The following ATF2 variants were observed in gnomAD, a reference collection of about 807,000 sequenced individuals.
ATF2 encodes the protein activating transcription factor 2.
A neutral mutation model predicts 60.6 loss-of-function variants in ATF2; 24 were observed. That is an observed-to-expected ratio of 0.40 (90% confidence interval 0.29 to 0.56). The LOEUF (loss-of-function observed/expected upper bound fraction) is 0.56, where lower values mean the gene tolerates loss of function less well. ATF2 is among the 20% of genes least tolerant of loss of function. ATF2 has a pLI of 0.54. For missense variants in ATF2, 433 were observed against 607.7 expected, an observed-to-expected ratio of 0.71 and a Z score of 3.02; for synonymous variants, 206 against 215.4, an observed-to-expected ratio of 0.96 and a Z score of 0.38.
chr2:175,136,220 T>C (rs1489018105), intron 3 of ATF2, among the ~76,000 whole-genome samples, 192 bp downstream of exon 3: 1 of 152,116 alleles, frequency 6.6e-6, no homozygotes, highest in Non-Finnish European at 1.5e-5. Flanking sequence ...CATAGCTAAG[T>C]GTACTTAGAT....
chr2:175,118,099 G>C lies in ATF2; in HGVS notation c.338C>G (p.Pro113Arg), dbSNP rs372122622. The C allele has an allele frequency of 3.7e-6, 6 of 1,611,410 alleles. No individual in the cohort carries two copies. The highest frequency in any genetic ancestry group is 5.1e-6 in the Non-Finnish European group (6 of 1,178,500). The change falls in exon 7 of 14, where the codon CCT becomes CGT. Residue 113 changes from proline (P) to arginine (R), a missense_variant. Physicochemically the swap from Pro to Arg is moderately radical, Grantham distance 103 (BLOSUM62 -2). Around this residue, in one of 5 missense-constraint regions of ATF2, gnomAD observed 246 missense variants for 309.3 expected, o/e 0.80. Coordinates refer to ENST00000264110, the MANE Select transcript of ATF2 (RefSeq NM_001880.4). Reference sequence around the variant, plus strand: ...GCTTCTTATGATAGGTGTTGCAAGAGGGGATAAATCTAGAGGCATCTATAA... The same window carrying C: ...GCTTCTTATGATAGGTGTTGCAAGACGGGATAAATCTAGAGGCATCTATAA... ...DIKKMPLDLS[P>R]LATPIIRSKI...
At chr2:175,140,264 T>C (rs1698412149) in intron 2 of ATF2, among the ~76,000 whole-genome samples, 1 of 152,200 alleles carries the variant, frequency 6.6e-6, no homozygotes, top group South Asian at 2.1e-4. Flanking sequence ...CTTCTTTTAC[T>C]AATAACTTGG....
chr2:175,136,756 G>C (rs1230551506), intron 2 of ATF2, among the ~76,000 whole-genome samples: 1 of 152,086 alleles, frequency 6.6e-6, no homozygotes, highest in Non-Finnish European at 1.5e-5. Context: ...GTGATTGAAG[G>C]GCAGCCATTA....
At chr2:175,153,788 C>G (rs1051219777) in intron 1 of ATF2, among the ~76,000 whole-genome samples, 5 of 143,522 alleles carry the variant, frequency 3.5e-5, no homozygotes, top group African/African-American at 1.3e-4. Flanking sequence ...GTCGAGATCA[C>G]ACCATTGCAC....
chr2:175,130,336 G>A (rs1449191937), intron 3 of ATF2, 129 bp from the exon 4 acceptor site: 3 of 523,936 alleles, frequency 5.7e-6, no homozygotes, highest in Non-Finnish European at 6.2e-6. Context: ...ACACTTTTCT[G>A]ACATTTTAAT....
chr2:175,145,474 A>T (rs1346274697), intron 2 of ATF2, among the ~76,000 whole-genome samples: 1 of 152,154 alleles, frequency 6.6e-6, no homozygotes, highest in Non-Finnish European at 1.5e-5. Context: ...ATGCTCCTTG[A>T]GGCTTCCTGA....
In ATF2 at chr2:175,093,279, A is replaced by C. The variant is rs1345990377; in HGVS notation, c.979-12T>G. 1 of 1,611,832 alleles carries C rather than the reference A, an allele frequency of 6.2e-7. No individual in the cohort carries two copies. Among genetic ancestry groups the C allele is most frequent in the Non-Finnish European group, 8.5e-7 (1 of 1,178,568 alleles). Reference sequence around the variant, plus strand: ...TGAGCTGGAGAAGCCTATTATAAACAGAGATGAAAGCCTGTTATATTTGTA... The same window carrying C: ...TGAGCTGGAGAAGCCTATTATAAACCGAGATGAAAGCCTGTTATATTTGTA... On this transcript the variant is annotated splice_polypyrimidine_tract_variant and intron_variant, in intron 11 of 13. Transcript: ENST00000264110.
chr2:175,163,989 G>GATATATATAAT (rs1700192410), intron 1 of ATF2, among the ~76,000 whole-genome samples: 1 of 124,152 alleles, frequency 8.1e-6, no homozygotes, highest in Non-Finnish European at 1.7e-5. Flanking sequence ...AAATTGAAAA[G>GATATATATAAT]ATATATATAA....
intron 2 of ATF2, among the ~76,000 whole-genome samples, chr2:175,144,983 G>A (rs968691399): frequency 2.6e-5 from 4 of 152,248 alleles, no homozygotes; most frequent in Non-Finnish European, 4.4e-5. Context: ...TGCTAGGTAA[G>A]AGTGAATTCA....
At chr2:175,150,207 A>G (rs758999075) in intron 2 of ATF2, among the ~76,000 whole-genome samples, 7 of 152,180 alleles carry the variant, frequency 4.6e-5, no homozygotes, top group Non-Finnish European at 1.0e-4. Context: ...TGACAGATTT[A>G]AATTATTTTC....
intron 1 of ATF2, among the ~76,000 whole-genome samples, chr2:175,163,859 G>A (rs1700171297): frequency 1.5e-5 from 2 of 132,956 alleles, no homozygotes; most frequent in African/African-American, 5.6e-5. Context: ...GGAGGCAGAG[G>A]TTACAATGAG....
intron 7 of ATF2, among the ~76,000 whole-genome samples, chr2:175,117,629 G>A (rs1574411729): frequency 6.6e-6 from 1 of 151,976 alleles, no homozygotes; most frequent in East Asian, 1.9e-4. Context: ...TCCTGTAAAA[G>A]TCTAAAAAAC....
intron 10 of ATF2, among the ~76,000 whole-genome samples, chr2:175,108,331 A>AC (rs984389994): frequency 8.7e-6 from 1 of 115,440 alleles, no homozygotes; most frequent in East Asian, 2.7e-4. Flanking sequence ...TGGGGGGTCA[A>AC]CCCCCGCCCG....
chr2:175,109,895 G>C (rs776635138), intron 10 of ATF2, among the ~76,000 whole-genome samples: 18 of 152,122 alleles, frequency 1.2e-4, no homozygotes, highest in Non-Finnish European at 1.9e-4. Context: ...TGGGTTTTTA[G>C]GGTCTTCTCT....
chr2:175,129,563 A>G (rs140969829), intron 4 of ATF2, among the ~76,000 whole-genome samples: 197 of 152,192 alleles, frequency 1.3e-3, no homozygotes, highest in African/African-American at 4.4e-3. Context: ...GCTATACATT[A>G]CATTTATTCT....
chr2:175,103,282 T>C (rs140407993), intron 10 of ATF2, among the ~76,000 whole-genome samples: 1 of 152,346 alleles, frequency 6.6e-6, no homozygotes, highest in Non-Finnish European at 1.5e-5. Context: ...TACCATCTGC[T>C]GCTCTATTAC....
chr2:175,142,720 AGTGT>A (rs755635658), intron 2 of ATF2, among the ~76,000 whole-genome samples: 4,462 of 70,888 alleles, frequency 0.063, 67 homozygotes, highest in East Asian at 0.12. Flanking sequence ...AGAGAGAGAG[AGTGT>A]GTGTGTGTGT....
chr2:175,136,380 A>T, intron 3 of ATF2, 32 bp downstream of exon 3: 3 of 1,601,678 alleles, frequency 1.9e-6, no homozygotes, highest in Non-Finnish European at 2.6e-6. Context: ...AATGTAAAAA[A>T]TGGCTAAAAA....
At chr2:175,106,918 C>T (rs1695712449) in intron 10 of ATF2, among the ~76,000 whole-genome samples, 1 of 152,136 alleles carries the variant, frequency 6.6e-6, no homozygotes. Context: ...AATCCCAGTA[C>T]TTTGGGAGGC....
Sources: allele counts gnomAD v4.1 joint callset (sites outside exome capture counted in the v4.1 genomes callset), GRCh38; gene constraint gnomAD v4.1.1; regional missense constraint gnomAD v4.1.1; transcripts MANE v1.5; gene names NCBI Gene and HGNC (gene_info 2026-07-23, HGNC 2026-07-21).